The following PDE8A variants were observed in gnomAD, a reference collection of about 807,000 sequenced individuals.
PDE8A encodes the protein phosphodiesterase 8A, also known as high affinity cAMP-specific and IBMX-insensitive 3',5'-cyclic phosphodiesterase 8A.
Under a neutral mutation model 105.0 loss-of-function variants are expected in PDE8A, and 59 were observed. That is an observed-to-expected ratio of 0.56 (90% CI 0.46 to 0.70). The LOEUF is 0.70. Among genes scored for constraint, PDE8A ranks in the 30% least tolerant of loss-of-function variants. PDE8A has a pLI of 0.00. For synonymous variants in PDE8A, 355 were observed against 371.9 expected (o/e 0.95, Z 0.52); for missense variants, 1,014 against 1,045.9 (o/e 0.97, Z 0.42).
chr15:85,037,805 A>G (rs1163451725), intron 1 of PDE8A, among the ~76,000 whole-genome samples: 1 of 152,222 alleles, frequency 6.6e-6, no homozygotes, highest in African/African-American at 2.4e-5. Flanking sequence ...TCATTTAGAC[A>G]AAAAGATCAT....
At chr15:85,048,249 CTG>C (rs1381337033) in intron 1 of PDE8A, among the ~76,000 whole-genome samples, 5 of 152,106 alleles carry the variant, frequency 3.3e-5, no homozygotes, top group African/African-American at 7.2e-5. Context: ...AGGATAAAAA[CTG>C]TACAGTTTTT....
At chr15:85,064,611 C>G (rs774291484) in intron 2 of PDE8A, among the ~76,000 whole-genome samples, 185 bp downstream of exon 2, 4 of 152,158 alleles carry the variant, frequency 2.6e-5, no homozygotes, top group Non-Finnish European at 4.4e-5. Flanking sequence ...CTTAGAAATA[C>G]ACATTGTGGT....
intron 20 of PDE8A, among the ~76,000 whole-genome samples, chr15:85,129,771 TAA>T (rs1451521871): frequency 6.6e-6 from 1 of 152,240 alleles, no homozygotes; most frequent in Admixed American, 6.5e-5. Context: ...CATAACATGT[TAA>T]GTTAGGTTGT....
intron 1 of PDE8A, among the ~76,000 whole-genome samples, chr15:85,027,327 A>G (rs888472967): frequency 1.3e-5 from 2 of 152,216 alleles, no homozygotes; most frequent in Admixed American, 6.5e-5. Context: ...ACAGTCAGAA[A>G]ATATTTAGCC....
At chr15:85,006,689 T>C (rs988136651) in intron 1 of PDE8A, among the ~76,000 whole-genome samples, 14 of 152,190 alleles carry the variant, frequency 9.2e-5, no homozygotes, top group African/African-American at 3.4e-4. Context: ...TTGTCATGTG[T>C]GGTGAATAAC....
intron 1 of PDE8A, among the ~76,000 whole-genome samples, chr15:84,984,942 C>G (rs527551634): frequency 1.3e-5 from 2 of 151,088 alleles, no homozygotes; most frequent in South Asian, 4.2e-4. Flanking sequence ...AAATCCAAAA[C>G]ACTTCTGGTC....
chr15:85,126,275 A>G lies in PDE8A; in HGVS notation c.2154A>G (p.Lys718=). 1 of 1,613,176 alleles carries G rather than the reference A, an allele frequency of 6.2e-7. No individual in the cohort carries two copies. Among genetic ancestry groups the G allele is most frequent in the Non-Finnish European group, 8.5e-7 (1 of 1,179,454 alleles). The change falls in exon 20 of 22, where the codon AAA becomes AAG. Residue 718 remains lysine (K), a synonymous_variant. Coordinates refer to ENST00000394553, the MANE Select transcript of PDE8A (RefSeq NM_002605.3). ...CTCCAGAGAACCGGACCCTAATCAA[A>G]CGAATGCTGATTAAATGTGCTGATG... ...LRTPENRTLI[K]RMLIKCADVS... is the part of the protein sequence containing the mutation.
intron 1 of PDE8A, among the ~76,000 whole-genome samples, chr15:85,047,484 A>G (rs1336302652): frequency 1.3e-5 from 2 of 152,220 alleles, no homozygotes; most frequent in Non-Finnish European, 2.9e-5. Context: ...CGTAGACAGG[A>G]TGTAAGGTTA....
rs58421452 is a variant in PDE8A, at chr15:85,123,337, TACACACACACACACACACACACAC to T, written c.2085+170_2085+193del. 187 of 329,944 alleles carry T rather than the reference TACACACACACACACACACACACAC, an allele frequency of 5.7e-4. 1 individual carries two copies. Among genetic ancestry groups the T allele is most frequent in the East Asian group, 1.9e-3 (39 of 21,066 alleles). 20.4% of individuals were successfully genotyped at this position (329,944 alleles called of 1,614,324 possible). A position where few individuals can be genotyped will look rare whatever the true frequency, so the allele number is the denominator to read the frequency against. ...TCTTACAGGGACAGAACTAATGGGA[TACACACACACACACACACACACAC>T]ACACACACACACACACACACACACA... On this transcript the variant is annotated intron_variant, in intron 19 of 21. Transcript: ENST00000394553.
intron 1 of PDE8A, among the ~76,000 whole-genome samples, chr15:84,985,129 G>A (rs1449965466): frequency 1.3e-5 from 2 of 152,162 alleles, no homozygotes; most frequent in Admixed American, 6.5e-5. Context: ...CCCTTTTCTT[G>A]AGGTGTATGT....
chr15:85,080,589 C>A (rs1675310434), intron 5 of PDE8A, among the ~76,000 whole-genome samples: 1 of 152,124 alleles, frequency 6.6e-6, no homozygotes, highest in Non-Finnish European at 1.5e-5. Context: ...TACATAGATG[C>A]ACTGTTGGAA....
intron 1 of PDE8A, among the ~76,000 whole-genome samples, chr15:85,024,580 T>A (rs994764072): frequency 1.3e-5 from 2 of 152,068 alleles, no homozygotes; most frequent in African/African-American, 4.8e-5. Context: ...CTATTACTCC[T>A]ACTGCGTAGG....
chr15:85,127,336 C>A (rs2141638524), intron 20 of PDE8A, among the ~76,000 whole-genome samples: 1 of 152,206 alleles, frequency 6.6e-6, no homozygotes, highest in Admixed American at 6.5e-5. Flanking sequence ...TTGCAATAGA[C>A]AAAGGAGAGA....
intron 1 of PDE8A, among the ~76,000 whole-genome samples, chr15:85,012,678 C>T (rs1381525899): frequency 6.7e-6 from 1 of 150,150 alleles, no homozygotes; most frequent in Non-Finnish European, 1.5e-5. Flanking sequence ...TGCACATGTA[C>T]CCTAAAACTT....
intron 1 of PDE8A, among the ~76,000 whole-genome samples, chr15:84,989,804 C>T (rs1384218598): frequency 6.6e-6 from 1 of 152,150 alleles, no homozygotes; most frequent in Non-Finnish European, 1.5e-5. Context: ...TTTTTTAACG[C>T]AGATCTCATT....
At chr15:85,089,476 G>A (rs558906195) in intron 7 of PDE8A, 60 bp downstream of exon 7, 46 of 883,420 alleles carry the variant, frequency 5.2e-5, no homozygotes, top group Non-Finnish European at 9.1e-6. Context: ...CCAACTTTTA[G>A]GATTGAACCT....
At chr15:85,134,648 T>C (rs2141657772) in intron 20 of PDE8A, among the ~76,000 whole-genome samples, 1 of 152,320 alleles carries the variant, frequency 6.6e-6, no homozygotes, top group South Asian at 2.1e-4. Context: ...TCACCTGACT[T>C]TCTTGGCACT....
chr15:85,100,506 GT>G (rs1025049221), intron 11 of PDE8A, among the ~76,000 whole-genome samples: 2 of 152,238 alleles, frequency 1.3e-5, no homozygotes, highest in African/African-American at 4.8e-5. Context: ...AGAGGGTTGA[GT>G]GTTTATCCCA....
rs548311734 is a variant in PDE8A at position 85,012,665 on chromosome 15, T to A, written c.186+30317T>A. ...TATACATATGTAACTAACCTGCACA[T>A]TGTGCACATGTACCCTAAAACTTAA... On this transcript the variant is annotated intron_variant, in intron 1 of 21. Coordinates refer to ENST00000394553, the MANE Select transcript of PDE8A (RefSeq NM_002605.3). Among the ~76,000 whole-genome samples the A allele has an allele frequency of 4.5e-4, 68 of 151,714 alleles. No individual in the cohort carries two copies. The South Asian group carries it at 0.012, about 26-fold the overall frequency.
Sources: allele counts gnomAD v4.1 joint callset (sites outside exome capture counted in the v4.1 genomes callset), GRCh38; gene constraint gnomAD v4.1.1; transcripts MANE v1.5; gene names NCBI Gene and HGNC (gene_info 2026-07-23, HGNC 2026-07-21).